PRDM11: variants seen among roughly 807,000 people sequenced by gnomAD.
The protein encoded by PRDM11 is PR domain-containing protein 11.
Under a neutral mutation model 97.8 loss-of-function variants are expected in PRDM11, and 20 were observed. That is an observed-to-expected ratio of 0.20 (90% CI 0.14 to 0.30). The LOEUF (loss-of-function observed/expected upper bound fraction) is 0.30. Among genes scored for constraint, PRDM11 ranks in the 10% least tolerant of loss-of-function variants. The probability of loss-of-function intolerance (pLI) is 1.00; values close to 1 mark genes in which losing one functional copy is unlikely to be tolerated. For missense variants in PRDM11, 1,139 were observed against 1,555.2 expected, an observed-to-expected ratio of 0.73 and a Z score of 4.50; for synonymous variants, 599 against 637.7, an observed-to-expected ratio of 0.94 and a Z score of 0.91.
chr11:45,234,904 A>G lies in PRDM11; in HGVS notation c.*6745A>G, dbSNP rs1250010007. 6.6e-6 allele frequency: 1 copy of G among 152,182 alleles called. No individual in the cohort carries two copies. Among genetic ancestry groups the G allele is most frequent in the Non-Finnish European group, 1.5e-5 (1 of 68,034 alleles). The allele number at this position is 152,182 out of a possible 1,614,324, so 9.4% of individuals were successfully genotyped here. On this transcript the variant is annotated 3_prime_UTR_variant, in exon 8 of 8. Transcript: ENST00000683152. ...CCTAGGAGTCTATTATCACATACAT[A>G]TTAATATGTTAATACTTTCTTTAAA... is the stretch of plus-strand genomic sequence containing the variant.
intron 5 of PRDM11, among the ~76,000 whole-genome samples, chr11:45,218,504 T>A (rs138541130): frequency 1.3e-5 from 2 of 152,256 alleles, no homozygotes; most frequent in African/African-American, 4.8e-5. Flanking sequence ...ATATAATTCA[T>A]TGGGCTACAC....
intron 1 of PRDM11, among the ~76,000 whole-genome samples, chr11:45,113,630 G>A (rs1335860049): frequency 6.6e-6 from 1 of 152,048 alleles, no homozygotes; most frequent in Non-Finnish European, 1.5e-5. Context: ...TCTTTCAGCA[G>A]TGTTTTATAA....
chr11:45,223,143 C>T (rs539214088), intron 6 of PRDM11, among the ~76,000 whole-genome samples: 3 of 152,138 alleles, frequency 2.0e-5, no homozygotes, highest in Admixed American at 1.3e-4. Flanking sequence ...TGGCGAAACC[C>T]TATCTCCACA....
At chr11:45,107,330 G>A (rs981215318) in intron 1 of PRDM11, among the ~76,000 whole-genome samples, 3 of 152,286 alleles carry the variant, frequency 2.0e-5, no homozygotes, top group African/African-American at 2.4e-5. Flanking sequence ...CCTGCAAAAC[G>A]GGGCTAATTA....
Position 45,170,114 on chromosome 11 carries a change from G to A in PRDM11, c.-6-11647G>A, listed in dbSNP as rs560629473. On this transcript the variant is annotated intron_variant, in intron 1 of 7. Coordinates refer to ENST00000683152, the MANE Select transcript of PRDM11 (RefSeq NM_001384648.1). ...TGCCAGCACTTTGGGAGGCTGAGGC[G>A]GGCAAATCACCTGAGATCAGGAGTT... Among the ~76,000 whole-genome samples, 259 of 152,234 alleles carry A rather than the reference G, an allele frequency of 1.7e-3. 2 individuals are homozygous for A. Among genetic ancestry groups the A allele is most frequent in the Non-Finnish European group, 3.0e-3 (204 of 68,010 alleles).
chr11:45,109,077 A>G (rs530160146), intron 1 of PRDM11, among the ~76,000 whole-genome samples: 7 of 152,282 alleles, frequency 4.6e-5, no homozygotes, highest in Admixed American at 1.3e-4. Context: ...CTGGGCACTC[A>G]AGGCTGGAAA....
chr11:45,212,801 A>G, intron 5 of PRDM11: 1 of 455,990 alleles, frequency 2.2e-6, no homozygotes, highest in Non-Finnish European at 4.4e-6. Flanking sequence ...GGCCAACAGC[A>G]TGCACGTCAT....
At chr11:45,117,839 G>C (rs1287810944) in intron 1 of PRDM11, among the ~76,000 whole-genome samples, 1 of 152,222 alleles carries the variant, frequency 6.6e-6, no homozygotes, top group Non-Finnish European at 1.5e-5. Context: ...GACGAGTACA[G>C]TATGGAAAGA....
intron 1 of PRDM11, among the ~76,000 whole-genome samples, chr11:45,152,566 T>A (rs1293451069): frequency 5.9e-5 from 9 of 152,262 alleles, no homozygotes; most frequent in Non-Finnish European, 7.3e-5. Flanking sequence ...GCTGTATGAA[T>A]AGTATATGCC....
intron 1 of PRDM11, among the ~76,000 whole-genome samples, chr11:45,126,240 G>A (rs1402182104): frequency 6.6e-6 from 1 of 152,002 alleles, no homozygotes; most frequent in Non-Finnish European, 1.5e-5. Flanking sequence ...CTCTGCTTGT[G>A]AGATGGGTTT....
chr11:45,098,548 G>A (rs1851922265), intron 1 of PRDM11, among the ~76,000 whole-genome samples: 1 of 152,192 alleles, frequency 6.6e-6, no homozygotes, highest in Admixed American at 6.5e-5. Context: ...CAGGTGACTT[G>A]CCCAGGCTCG....
At chr11:45,182,696 G>A (rs1852553998) in intron 3 of PRDM11, among the ~76,000 whole-genome samples, 165 bp from the exon 4 acceptor site, 1 of 152,200 alleles carries the variant, frequency 6.6e-6, no homozygotes, top group African/African-American at 2.4e-5. Context: ...AGGCAGGCCT[G>A]TTCTTGGAGC....
chr11:45,167,833 G>A (rs964750909), intron 1 of PRDM11, among the ~76,000 whole-genome samples: 1 of 150,996 alleles, frequency 6.6e-6, no homozygotes, highest in Non-Finnish European at 1.5e-5. Context: ...TGGTGAGCTG[G>A]CTGCCTGATA....
chr11:45,120,674 C>G (rs1293481804), intron 1 of PRDM11, among the ~76,000 whole-genome samples: 2 of 150,420 alleles, frequency 1.3e-5, no homozygotes, highest in Non-Finnish European at 3.0e-5. Flanking sequence ...ACCAGTATCA[C>G]AATAAATCAA....
chr11:45,127,926 T>G (rs984110274), intron 1 of PRDM11, among the ~76,000 whole-genome samples: 2 of 152,220 alleles, frequency 1.3e-5, no homozygotes, highest in African/African-American at 4.8e-5. Context: ...GCTGTCTTTT[T>G]GTCTTTGCCC....
At chr11:45,171,674 T>G (rs993119629) in intron 1 of PRDM11, among the ~76,000 whole-genome samples, 5 of 152,204 alleles carry the variant, frequency 3.3e-5, no homozygotes, top group Admixed American at 6.5e-5. Context: ...AGAGGGAATC[T>G]GCCCCTTTGA....
At chr11:45,160,881 A>C (rs1851910930) in intron 1 of PRDM11, among the ~76,000 whole-genome samples, 1 of 152,214 alleles carries the variant, frequency 6.6e-6, no homozygotes, top group South Asian at 2.1e-4. Flanking sequence ...GGCCCCTGCT[A>C]GCCCTCAGAG....
At chr11:45,168,739 G>A (rs1852130062) in intron 1 of PRDM11, among the ~76,000 whole-genome samples, 1 of 152,176 alleles carries the variant, frequency 6.6e-6, no homozygotes, top group South Asian at 2.1e-4. Context: ...AGGACACACT[G>A]GGTCTCCAGC....
intron 1 of PRDM11, among the ~76,000 whole-genome samples, chr11:45,099,450 T>TAAA (rs532403075): frequency 0.16 from 14,728 of 94,834 alleles, 1,413 homozygotes; most frequent in Middle Eastern, 0.25. Flanking sequence ...GACTCCATCT[T>TAAA]AAAAAAAAAA....
Sources: allele counts gnomAD v4.1 joint callset (sites outside exome capture counted in the v4.1 genomes callset), GRCh38; gene constraint gnomAD v4.1.1; transcripts MANE v1.5; gene names NCBI Gene and HGNC (gene_info 2026-07-23, HGNC 2026-07-21).